The following NKAIN2 variants were observed in gnomAD, a reference collection of about 807,000 sequenced individuals.
NKAIN2 encodes the protein sodium/potassium transporting ATPase interacting 2.
In NKAIN2, 14 loss-of-function variants were observed where a neutral mutation model predicts 32.6. The observed-to-expected ratio is 0.43, with a 90% CI of 0.28 to 0.67. The LOEUF (loss-of-function observed/expected upper bound fraction) is 0.67, where lower values mean the gene tolerates loss of function less well. NKAIN2 is among the 30% of genes least tolerant of loss of function. The pLI, the probability that NKAIN2 is intolerant of heterozygous loss-of-function variation, is 0.17. For synonymous variants in NKAIN2, 80 were observed against 87.2 expected, an observed-to-expected ratio of 0.92 and a Z score of 0.46; for missense variants, 198 against 258.3, an observed-to-expected ratio of 0.77 and a Z score of 1.60.
intron 4 of NKAIN2, among the ~76,000 whole-genome samples, chr6:124,732,010 G>A (rs758357079): frequency 4.6e-5 from 7 of 151,998 alleles, no homozygotes. Flanking sequence ...GACTCTAAAA[G>A]CCTACTTTAC....
chr6:124,665,111 G>C (rs1466977258), intron 4 of NKAIN2, among the ~76,000 whole-genome samples: 4 of 151,850 alleles, frequency 2.6e-5, no homozygotes, highest in Non-Finnish European at 5.9e-5. Flanking sequence ...CAGATTCAAT[G>C]CAATGTTTAT....
chr6:123,991,577 T>A (rs536454687), intron 1 of NKAIN2, among the ~76,000 whole-genome samples: 1 of 152,200 alleles, frequency 6.6e-6, no homozygotes, highest in East Asian at 1.9e-4. Flanking sequence ...TATAAAATAT[T>A]TTTGGCTGGG....
intron 1 of NKAIN2, among the ~76,000 whole-genome samples, chr6:124,268,072 T>C (rs183789975): frequency 8.8e-4 from 134 of 152,306 alleles, no homozygotes; most frequent in African/African-American, 3.1e-3. Flanking sequence ...CTATCGTGTA[T>C]GTAATAATTA....
intron 1 of NKAIN2, among the ~76,000 whole-genome samples, chr6:123,880,860 A>G (rs1484955649): frequency 6.6e-6 from 1 of 152,204 alleles, no homozygotes. Flanking sequence ...TCTTTGATAG[A>G]GTGGCAAATA....
At chr6:124,216,117 CAAAAAAAAAA>C (rs1199794463) in intron 1 of NKAIN2, among the ~76,000 whole-genome samples, 1 of 63,904 alleles carries the variant, frequency 1.6e-5, no homozygotes, top group Non-Finnish European at 3.5e-5. Context: ...AACTCTGTCT[CAAAAAAAAAA>C]AAAAAAAAAT....
chr6:124,639,512 T>C (rs1466695976), intron 3 of NKAIN2, among the ~76,000 whole-genome samples: 1 of 152,034 alleles, frequency 6.6e-6, no homozygotes, highest in African/African-American at 2.4e-5. Context: ...CGTGTGCCTG[T>C]AGTCCCAGCT....
intron 3 of NKAIN2, among the ~76,000 whole-genome samples, chr6:124,590,433 C>A (rs1423420103): frequency 2.6e-5 from 4 of 151,486 alleles, no homozygotes; most frequent in Non-Finnish European, 5.9e-5. Flanking sequence ...AATGCAGATA[C>A]TACCACACCC....
intron 4 of NKAIN2, among the ~76,000 whole-genome samples, chr6:124,762,049 A>C (rs941606958): frequency 4.6e-5 from 7 of 152,144 alleles, no homozygotes; most frequent in Non-Finnish European, 1.0e-4. Flanking sequence ...TTGGTGTATA[A>C]GAGTTCATAG....
intron 2 of NKAIN2, among the ~76,000 whole-genome samples, chr6:124,348,271 G>A (rs1020782205): frequency 2.7e-4 from 41 of 150,626 alleles, no homozygotes; most frequent in South Asian, 1.5e-3. Flanking sequence ...CAGGCTGCTC[G>A]GGGGTCAGGG....
At chr6:124,595,557 T>C (rs1782053387) in intron 3 of NKAIN2, among the ~76,000 whole-genome samples, 1 of 152,182 alleles carries the variant, frequency 6.6e-6, no homozygotes, top group South Asian at 2.1e-4. Flanking sequence ...CCTGATTTGG[T>C]GGAAGCCCAG....
chr6:124,199,823 T>C (rs539183507), intron 1 of NKAIN2, among the ~76,000 whole-genome samples: 1 of 152,262 alleles, frequency 6.6e-6, no homozygotes, highest in African/African-American at 2.4e-5. Flanking sequence ...AACCCTTATG[T>C]AAGCACAGTG....
At chr6:124,236,326 T>C (rs1240474774) in intron 1 of NKAIN2, among the ~76,000 whole-genome samples, 3 of 152,064 alleles carry the variant, frequency 2.0e-5, no homozygotes, top group Admixed American at 6.6e-5. Context: ...CAATGGAACA[T>C]GTATTCTCTC....
intron 3 of NKAIN2, among the ~76,000 whole-genome samples, chr6:124,410,326 C>A (rs1473130927): frequency 1.3e-4 from 20 of 152,134 alleles, no homozygotes; most frequent in African/African-American, 4.6e-4. Context: ...CTCTTGTGGG[C>A]ATTTAGTGCT....
intron 3 of NKAIN2, among the ~76,000 whole-genome samples, chr6:124,528,774 A>G (rs893881291): frequency 3.3e-5 from 5 of 152,242 alleles, no homozygotes; most frequent in Admixed American, 6.5e-5. Context: ...AAGTGAAAAG[A>G]TAAACTGATT....
chr6:124,561,170 T>G (rs1339876893), intron 3 of NKAIN2, among the ~76,000 whole-genome samples: 1 of 152,234 alleles, frequency 6.6e-6, no homozygotes, highest in Non-Finnish European at 1.5e-5. Flanking sequence ...GTGATGCCAC[T>G]GTAGGAGACC....
At chr6:123,870,437 A>T (rs1772809851) in intron 1 of NKAIN2, among the ~76,000 whole-genome samples, 1 of 152,180 alleles carries the variant, frequency 6.6e-6, no homozygotes. Flanking sequence ...GTGAACAAGC[A>T]TTCCCACCAG....
At chr6:124,391,373 A>G (rs73580804) in intron 3 of NKAIN2, among the ~76,000 whole-genome samples, 6,962 of 152,164 alleles carry the variant, frequency 0.046, 508 homozygotes, top group African/African-American at 0.16. Context: ...TTAATCTGTC[A>G]GTGGCAATTT....
intron 1 of NKAIN2, among the ~76,000 whole-genome samples, chr6:124,142,000 T>A (rs1787165971): frequency 6.6e-6 from 1 of 152,188 alleles, no homozygotes; most frequent in African/African-American, 2.4e-5. Flanking sequence ...TAATTTCCCA[T>A]CCCATAGATG....
intron 1 of NKAIN2, among the ~76,000 whole-genome samples, chr6:124,208,913 C>G (rs1280447545): frequency 6.6e-6 from 1 of 151,496 alleles, no homozygotes; most frequent in Non-Finnish European, 1.5e-5. Context: ...ATGATCAAAT[C>G]AAAGTACTTG....
Sources: allele counts gnomAD v4.1 joint callset (sites outside exome capture counted in the v4.1 genomes callset), GRCh38; gene constraint gnomAD v4.1.1; transcripts MANE v1.5; gene names NCBI Gene and HGNC (gene_info 2026-07-23, HGNC 2026-07-21).